Variants in MED12L observed in about 807,000 individuals in gnomAD.
The protein encoded by MED12L is mediator complex subunit 12L, also known as mediator of RNA polymerase II transcription subunit 12-like protein.
Under a neutral mutation model 281.3 loss-of-function variants are expected in MED12L, and 60 were observed. The observed-to-expected ratio is 0.21, with a 90% CI of 0.17 to 0.26. The LOEUF is 0.26. Ranked by LOEUF, MED12L falls within the 10% of genes least tolerant of loss-of-function variation. The probability of loss-of-function intolerance (pLI) is 1.00; values close to 1 mark genes in which losing one functional copy is unlikely to be tolerated. For synonymous variants in MED12L, 974 were observed against 987.2 expected (o/e 0.99, Z 0.25); for missense variants, 2,146 against 2,680.9 (o/e 0.80, Z 4.41).
intron 16 of MED12L, chr3:151,269,533 T>A (rs1245721520): frequency 1.1e-5 from 3 of 282,452 alleles, no homozygotes; most frequent in Admixed American, 8.9e-5. Flanking sequence ...TTGGAAGAGG[T>A]CAAAATTGAT....
intron 14 of MED12L, 106 bp downstream of exon 14, chr3:151,191,037 A>G (rs1472806246): frequency 1.0e-6 from 1 of 967,462 alleles, no homozygotes; most frequent in Non-Finnish European, 1.5e-6. Flanking sequence ...TTTTTGTTGT[A>G]TTCTTTTGCC....
chr3:151,363,210 G>A (rs1754838720), intron 21 of MED12L, among the ~76,000 whole-genome samples: 1 of 151,984 alleles, frequency 6.6e-6, no homozygotes, highest in South Asian at 2.1e-4. Context: ...TCCTCTATTT[G>A]AAAAAATGAA....
chr3:151,236,536 C>G (rs1202741715), intron 16 of MED12L, among the ~76,000 whole-genome samples: 1 of 152,196 alleles, frequency 6.6e-6, no homozygotes, highest in Non-Finnish European at 1.5e-5. Context: ...AGCAGCTGCT[C>G]TTGTCTAAAT....
intron 11 of MED12L, among the ~76,000 whole-genome samples, chr3:151,177,332 G>A (rs1722169642): frequency 6.6e-6 from 1 of 151,472 alleles, no homozygotes; most frequent in Non-Finnish European, 1.5e-5. Context: ...GCATGGTATA[G>A]CAGAATGTAT....
intron 34 of MED12L, 74 bp downstream of exon 34, chr3:151,383,962 T>A: frequency 6.7e-7 from 1 of 1,482,720 alleles, no homozygotes; most frequent in Non-Finnish European, 9.3e-7. Context: ...TGATGGCGAT[T>A]TCTGCCACAT....
intron 16 of MED12L, among the ~76,000 whole-genome samples, chr3:151,250,287 C>T (rs1736587216): frequency 6.6e-6 from 1 of 152,138 alleles, no homozygotes; most frequent in African/African-American, 2.4e-5. Flanking sequence ...TGGTGAAATA[C>T]ACATAACATT....
intron 16 of MED12L, among the ~76,000 whole-genome samples, chr3:151,237,816 A>AT (rs1733232515): frequency 1.3e-5 from 2 of 152,204 alleles, no homozygotes; most frequent in African/African-American, 4.8e-5. Context: ...GTGATCTCAA[A>AT]TGATATGGGC....
chr3:151,122,984 A>G lies in MED12L; in HGVS notation c.396+10A>G. 6.3e-7 allele frequency: 1 copy of G among 1,584,726 alleles called. No homozygotes were observed. The highest frequency in any genetic ancestry group is 8.6e-7 in the Non-Finnish European group (1 of 1,161,302). On this transcript the variant is annotated intron_variant, in intron 4 of 44. Transcript: ENST00000687756. The stretch of plus-strand genomic sequence containing the variant: ...TATTTTGGCAAAAAAGGTATCAAAT[A>G]TTTCTTACATTGTTTTAGTTATGGT...
intron 5 of MED12L, among the ~76,000 whole-genome samples, chr3:151,137,165 A>G (rs1716259753): frequency 7.5e-6 from 1 of 133,562 alleles, no homozygotes. Flanking sequence ...CGTCTCAAAA[A>G]AAAAAAGAAA....
intron 2 of MED12L, among the ~76,000 whole-genome samples, chr3:151,107,007 C>T (rs1346943): frequency 0.44 from 66,670 of 151,556 alleles, 16,806 homozygotes; most frequent in African/African-American, 0.71. Context: ...TCTTAGTCCA[C>T]GAATATTTAA....
chr3:151,124,708 C>T (rs1053403559), intron 4 of MED12L, among the ~76,000 whole-genome samples: 20 of 152,120 alleles, frequency 1.3e-4, no homozygotes, highest in African/African-American at 3.6e-4. Context: ...GTTTCAGGAC[C>T]TGGTTTTCTG....
chr3:151,287,369 C>T (rs1166908954), intron 16 of MED12L, among the ~76,000 whole-genome samples: 2 of 152,112 alleles, frequency 1.3e-5, no homozygotes, highest in African/African-American at 2.4e-5. Flanking sequence ...GGGTACCAGG[C>T]CAGGCAGGGC....
At chr3:151,105,558 T>A (rs1721908268) in intron 2 of MED12L, among the ~76,000 whole-genome samples, 1 of 152,132 alleles carries the variant, frequency 6.6e-6, no homozygotes. Flanking sequence ...ACACTCCTAG[T>A]TTCCTTCTCT....
At chr3:151,191,253 A>G (rs533614251) in intron 14 of MED12L, among the ~76,000 whole-genome samples, 2 of 152,298 alleles carry the variant, frequency 1.3e-5, no homozygotes, top group East Asian at 1.9e-4. Flanking sequence ...GTGTCTCAAA[A>G]CTGGACTTGT....
intron 36 of MED12L, among the ~76,000 whole-genome samples, chr3:151,387,251 C>T (rs914763931): frequency 6.6e-6 from 1 of 150,804 alleles, no homozygotes; most frequent in Non-Finnish European, 1.5e-5. Flanking sequence ...AAAGACTTTA[C>T]TTATTCCTGC....
intron 16 of MED12L, among the ~76,000 whole-genome samples, chr3:151,317,260 A>T (rs1301789851): frequency 6.6e-6 from 1 of 151,410 alleles, no homozygotes; most frequent in African/African-American, 2.5e-5. Flanking sequence ...ACATATTTTT[A>T]CACATACACA....
chr3:151,271,239 T>C (rs185069104), intron 16 of MED12L, among the ~76,000 whole-genome samples: 4 of 152,308 alleles, frequency 2.6e-5, no homozygotes, highest in African/African-American at 9.6e-5. Context: ...CAAAGGAAGC[T>C]GTTTGGTCAA....
intron 16 of MED12L, among the ~76,000 whole-genome samples, chr3:151,308,469 C>T (rs1747012502): frequency 6.6e-6 from 1 of 152,132 alleles, no homozygotes; most frequent in South Asian, 2.1e-4. Flanking sequence ...CAGTAGCCAA[C>T]ATAGTGGTTT....
rs773597791 is a variant in MED12L, at chr3:151,357,411, T to C, written c.2825+35T>C. On this transcript the variant is annotated intron_variant, in intron 20 of 44. Coordinates refer to ENST00000687756, the MANE Select transcript of MED12L (RefSeq NM_001393769.1). ...TAGCATGTCATTGTTGTTTTTCCAA[T>C]CTCAGAATGTATAACTAGTGATGAA... 11 of 1,527,846 alleles carry C rather than the reference T, an allele frequency of 7.2e-6. No homozygotes were observed. The South Asian group carries it at 1.1e-4, about 16-fold the overall frequency. The allele number at this position is 1,527,846 out of a possible 1,614,324, so 94.6% of individuals were successfully genotyped here.
Sources: gnomAD v4.1 joint callset for allele counts (sites outside exome capture counted in the v4.1 genomes callset) on GRCh38, gnomAD v4.1.1 for gene constraint, MANE v1.5 for transcripts, NCBI Gene and HGNC (gene_info 2026-07-23, HGNC 2026-07-21) for gene names.